MYO5B: variants seen among roughly 807,000 people sequenced by gnomAD.
MYO5B encodes the protein myosin VB.
Under a neutral mutation model 229.3 loss-of-function variants are expected in MYO5B, and 143 were observed. The ratio of observed to expected loss-of-function variants is 0.62; its 90% CI spans 0.54 to 0.72. MYO5B has a LOEUF of 0.72. Ranked by LOEUF, MYO5B falls within the 30% of genes least tolerant of loss-of-function variation. MYO5B has a pLI of 0.00. For synonymous variants in MYO5B, 918 were observed against 885.2 expected, an observed-to-expected ratio of 1.04 and a Z score of -0.66; for missense variants, 2,321 against 2,331.0, an observed-to-expected ratio of 1.00 and a Z score of 0.09.
chr18:49,849,211 A>C (rs2024169018), intron 32 of MYO5B, among the ~76,000 whole-genome samples: 1 of 152,162 alleles, frequency 6.6e-6, no homozygotes, highest in East Asian at 1.9e-4. Flanking sequence ...CTTGGGGTTT[A>C]GGTCTTTGTG....
intron 29 of MYO5B, among the ~76,000 whole-genome samples, chr18:49,862,294 G>C (rs1234756381): frequency 6.6e-6 from 1 of 152,088 alleles, no homozygotes; most frequent in Non-Finnish European, 1.5e-5. Context: ...CACTATGCTC[G>C]GCCAGACAGC....
chr18:50,179,338 T>C (rs1462772233), intron 1 of MYO5B, among the ~76,000 whole-genome samples: 1 of 152,184 alleles, frequency 6.6e-6, no homozygotes, highest in Non-Finnish European at 1.5e-5. Flanking sequence ...AAACCAGGTC[T>C]CTGGTACCAG....
intron 2 of MYO5B, among the ~76,000 whole-genome samples, chr18:50,041,874 A>G (rs951093321): frequency 1.6e-4 from 25 of 152,320 alleles, no homozygotes; most frequent in African/African-American, 6.0e-4. Flanking sequence ...TTCATCATAC[A>G]ATGGAATTCC....
intron 1 of MYO5B, among the ~76,000 whole-genome samples, chr18:50,174,775 C>T (rs190414230): frequency 6.6e-6 from 1 of 152,254 alleles, no homozygotes; most frequent in Non-Finnish European, 1.5e-5. Context: ...GTGGAAAATG[C>T]CTTATGTTTC....
In MYO5B at chr18:49,996,920, G is replaced by A. The variant is rs372740380; in HGVS notation, c.612+4335C>T. ...AAACAGGAGATAAGATTGGTAAGGT[G>A]TACTGGGAGCAGATTCTTGTAAAAA... On this transcript the variant is annotated intron_variant, in intron 5 of 39. Transcript: ENST00000285039. 2.6e-5 allele frequency among the ~76,000 whole-genome samples: 4 copies of A among 152,328 alleles called. 1 individual carries two copies. The highest frequency in any genetic ancestry group is 6.5e-5 in the Admixed American group (1 of 15,300).
chr18:49,853,806 GACC>G (rs2144061291), intron 30 of MYO5B, among the ~76,000 whole-genome samples, 159 bp from the exon 31 acceptor site: 1 of 152,374 alleles, frequency 6.6e-6, no homozygotes, highest in South Asian at 2.1e-4. Flanking sequence ...ATGCCATGGG[GACC>G]ACAAGGCAAG....
chr18:49,945,968 T>C (rs888565306), intron 14 of MYO5B, among the ~76,000 whole-genome samples: 3 of 152,222 alleles, frequency 2.0e-5, no homozygotes, highest in Non-Finnish European at 2.9e-5. Context: ...AAACACTGGC[T>C]TATTAAATAA....
chr18:49,974,323 A>G (rs944981705), intron 10 of MYO5B, 27 bp downstream of exon 10: 1 of 1,614,052 alleles, frequency 6.2e-7, no homozygotes, highest in African/African-American at 1.3e-5. Context: ...CAGGTAGCAG[A>G]TAGAGCGAGA....
At chr18:50,146,642 G>A (rs149886411) in intron 1 of MYO5B, among the ~76,000 whole-genome samples, 338 of 152,302 alleles carry the variant, frequency 2.2e-3, no homozygotes, top group African/African-American at 7.9e-3. Flanking sequence ...TGGGATGAAC[G>A]TGTTTAAGTT....
chr18:50,078,005 T>G (rs1371033148), intron 1 of MYO5B, among the ~76,000 whole-genome samples: 2 of 152,214 alleles, frequency 1.3e-5, no homozygotes, highest in East Asian at 3.8e-4. Context: ...ACTTATTTCC[T>G]TGGAGGCAGG....
intron 27 of MYO5B, among the ~76,000 whole-genome samples, chr18:49,867,154 G>C (rs757495326): frequency 2.0e-5 from 3 of 152,194 alleles, no homozygotes; most frequent in Non-Finnish European, 4.4e-5. Flanking sequence ...TGGGGAGATG[G>C]GCCACCTGGC....
chr18:49,960,995 G>A (rs1016278916), intron 12 of MYO5B, among the ~76,000 whole-genome samples: 1 of 152,222 alleles, frequency 6.6e-6, no homozygotes, highest in African/African-American at 2.4e-5. Flanking sequence ...GCTGCCTTTA[G>A]CTTCGGGGGT....
chr18:49,952,544 A>T (rs1027785614), intron 14 of MYO5B, among the ~76,000 whole-genome samples: 2 of 152,198 alleles, frequency 1.3e-5, no homozygotes, highest in Non-Finnish European at 2.9e-5. Flanking sequence ...ACCAGAGTGC[A>T]GACTCTGTCT....
intron 2 of MYO5B, 32 bp from the exon 3 acceptor site, chr18:50,040,346 G>A (rs1388581960): frequency 8.1e-6 from 13 of 1,607,310 alleles, no homozygotes; most frequent in South Asian, 2.2e-5. Context: ...ACACAAAAAG[G>A]TGGTTATGAA....
At chr18:49,888,573 G>A (rs1207704280) in intron 22 of MYO5B, among the ~76,000 whole-genome samples, 8 of 152,180 alleles carry the variant, frequency 5.3e-5, no homozygotes, top group African/African-American at 1.4e-4. Context: ...GTTGCAGCAC[G>A]GGCACTGAGA....
intron 4 of MYO5B, among the ~76,000 whole-genome samples, chr18:50,036,352 T>C (rs918341722): frequency 5.3e-5 from 8 of 152,188 alleles, no homozygotes; most frequent in African/African-American, 1.9e-4. Flanking sequence ...ACTTCCAGGC[T>C]AAAAACCCCA....
intron 5 of MYO5B, among the ~76,000 whole-genome samples, chr18:49,994,463 T>G (rs2025965787): frequency 6.6e-6 from 1 of 152,222 alleles, no homozygotes; most frequent in East Asian, 1.9e-4. Context: ...GGGTTTAAAG[T>G]GTATAAAGCA....
chr18:49,927,088 G>A (rs1447527955), intron 17 of MYO5B, among the ~76,000 whole-genome samples: 3 of 152,166 alleles, frequency 2.0e-5, no homozygotes, highest in African/African-American at 7.2e-5. Flanking sequence ...ATGGATGATG[G>A]TGATGGTAGC....
At chr18:50,135,728 G>A (rs186891299) in intron 1 of MYO5B, among the ~76,000 whole-genome samples, 1 of 152,180 alleles carries the variant, frequency 6.6e-6, no homozygotes, top group Non-Finnish European at 1.5e-5. Context: ...TATTGTAAAA[G>A]CAGGTTTTTA....
Sources: gnomAD v4.1 joint callset for allele counts (sites outside exome capture counted in the v4.1 genomes callset) on GRCh38, gnomAD v4.1.1 for gene constraint, MANE v1.5 for transcripts, NCBI Gene and HGNC (gene_info 2026-07-23, HGNC 2026-07-21) for gene names.